The following ENPP2 variants were observed in gnomAD, a reference collection of about 807,000 sequenced individuals.
The protein encoded by ENPP2 is ectonucleotide pyrophosphatase/phosphodiesterase 2, also known as autotaxin.
Under a neutral mutation model 120.2 loss-of-function variants are expected in ENPP2, and 51 were observed. That is an observed-to-expected ratio of 0.42 (90% CI 0.34 to 0.54). The LOEUF (loss-of-function observed/expected upper bound fraction) is 0.54, where lower values mean the gene tolerates loss of function less well. ENPP2 is among the 20% of genes least tolerant of loss of function. ENPP2 has a pLI of 0.04. For synonymous variants in ENPP2, 365 were observed against 366.4 expected (o/e 1.00, Z 0.04); for missense variants, 920 against 1,066.5 (o/e 0.86, Z 1.91).
At chr8:119,568,669 C>G (rs954678834) in intron 21 of ENPP2, among the ~76,000 whole-genome samples, 9 of 152,060 alleles carry the variant, frequency 5.9e-5, no homozygotes, top group African/African-American at 2.2e-4. Flanking sequence ...GGCCTGATCA[C>G]AGCCCACTGT....
chr8:119,645,348 A>C (rs1230760748), intron 1 of ENPP2, among the ~76,000 whole-genome samples: 1 of 152,000 alleles, frequency 6.6e-6, no homozygotes, highest in African/African-American at 2.4e-5. Flanking sequence ...AACTCAACTC[A>C]CTTTTTGTTC....
In ENPP2 at chr8:119,638,467, G is replaced by C. The variant is rs138726849; in HGVS notation, c.94C>G (p.Arg32Gly). 6.2e-7 allele frequency: 1 copy of C among 1,609,664 alleles called. No individual in the cohort carries two copies. Among genetic ancestry groups the C allele is most frequent in the Non-Finnish European group, 8.5e-7 (1 of 1,175,986 alleles). Residue 32 changes from arginine to glycine, a missense_variant, in exon 2 of 25, where the codon CGA (arginine) becomes GGA (glycine). Transcript: ENST00000075322. ...VNICLGFTAH[R>G]IKRAEGWEEG... is the part of the protein sequence containing the mutation. ...TCCCATCCTTCTGCTCTCTTAATTC[G>C]ATGTGCAGTGAATCCTAAGCAGATA...
intron 1 of ENPP2, among the ~76,000 whole-genome samples, chr8:119,655,988 C>T (rs758432808): frequency 4.6e-5 from 7 of 152,160 alleles, no homozygotes; most frequent in Non-Finnish European, 7.4e-5. Context: ...GATTCTCTTA[C>T]GGACAGTTTC....
At chr8:119,640,120 C>A (rs1817231901), upstream of ENPP2, among the ~76,000 whole-genome samples, 1 of 152,148 alleles carries the variant, frequency 6.6e-6, no homozygotes, top group South Asian at 2.1e-4. Flanking sequence ...GGTTTCATTA[C>A]AGATTCTTAG....
rs1003426614 is a variant in ENPP2, at chr8:119,588,523, C to T, written c.1208-1448G>A. Among the ~76,000 whole-genome samples, 28 of 126,946 alleles carry T rather than the reference C, an allele frequency of 2.2e-4. No homozygotes were observed. The East Asian group carries it at 5.7e-3, about 26-fold the overall frequency. 83.3% of individuals were successfully genotyped at this position (126,946 alleles called of 152,430 possible). ...CAGCCTGGGCGACAGAACAAAACTCCGCCTCAAAAAAAAAAAAAAAAAAAA... is the reference window on the plus strand; with the variant it reads ...CAGCCTGGGCGACAGAACAAAACTCTGCCTCAAAAAAAAAAAAAAAAAAAA... On this transcript the variant is annotated intron_variant, in intron 13 of 24. Coordinates refer to ENST00000075322, the MANE Select transcript of ENPP2 (RefSeq NM_001040092.3).
At chr8:119,629,975 T>C (rs1563753620) in intron 2 of ENPP2, among the ~76,000 whole-genome samples, 1 of 152,348 alleles carries the variant, frequency 6.6e-6, no homozygotes, top group East Asian at 1.9e-4. Flanking sequence ...TAAGCTTAGC[T>C]ATGCTGATAG....
intron 2 of ENPP2, among the ~76,000 whole-genome samples, chr8:119,627,019 G>A (rs1312285232): frequency 6.6e-6 from 1 of 152,054 alleles, no homozygotes; most frequent in African/African-American, 2.4e-5. Flanking sequence ...AACAAGTGTT[G>A]GTGATTTGTT....
At chr8:119,620,290 C>T (rs1815795122) in intron 4 of ENPP2, among the ~76,000 whole-genome samples, 1 of 152,250 alleles carries the variant, frequency 6.6e-6, no homozygotes, top group East Asian at 1.9e-4. Flanking sequence ...GCCTTTGTGG[C>T]TTCCTGGTAC....
intron 8 of ENPP2, 106 bp downstream of exon 8, chr8:119,616,159 A>G: frequency 1.0e-6 from 1 of 1,004,618 alleles, no homozygotes; most frequent in Non-Finnish European, 1.5e-6. Flanking sequence ...ATTGCCAAGT[A>G]TGAGGAAATT....
At chr8:119,630,366 C>G (rs557731127) in intron 2 of ENPP2, among the ~76,000 whole-genome samples, 1 of 152,310 alleles carries the variant, frequency 6.6e-6, no homozygotes, top group South Asian at 2.1e-4. Flanking sequence ...CTTTGGCCTT[C>G]CAAAGTGCTG....
chr8:119,652,956 T>C (rs561047272), intron 1 of ENPP2, among the ~76,000 whole-genome samples: 1 of 152,188 alleles, frequency 6.6e-6, no homozygotes, highest in Non-Finnish European at 1.5e-5. Flanking sequence ...GCAATTCTTG[T>C]AAAAGAAACC....
intron 2 of ENPP2, among the ~76,000 whole-genome samples, chr8:119,634,758 G>T (rs1294449423): frequency 2.0e-5 from 3 of 151,928 alleles, no homozygotes; most frequent in Admixed American, 2.0e-4. Flanking sequence ...ATATAATTTT[G>T]GGGAAGATTT....
At chr8:119,644,273 GAC>G (rs1444287528) in intron 1 of ENPP2, among the ~76,000 whole-genome samples, 1 of 152,000 alleles carries the variant, frequency 6.6e-6, no homozygotes, top group Non-Finnish European at 1.5e-5. Flanking sequence ...AAAAGATCAT[GAC>G]AGCTTACACA....
At chr8:119,637,701 A>G (rs945637847) in intron 2 of ENPP2, among the ~76,000 whole-genome samples, 4 of 152,130 alleles carry the variant, frequency 2.6e-5, no homozygotes, top group African/African-American at 4.8e-5. Context: ...AAATTAACCA[A>G]CTCATTGCTT....
intron 19 of ENPP2, among the ~76,000 whole-genome samples, chr8:119,576,133 A>T (rs1482246861): frequency 1.3e-5 from 2 of 152,154 alleles, no homozygotes; most frequent in Non-Finnish European, 2.9e-5. Context: ...CTAGTGTTTA[A>T]GTCAATTTTC....
At chr8:119,589,009 T>C (rs1040351959) in intron 13 of ENPP2, among the ~76,000 whole-genome samples, 3 of 152,164 alleles carry the variant, frequency 2.0e-5, no homozygotes, top group African/African-American at 7.2e-5. Context: ...ATTTCTACTG[T>C]CTATAAAAGG....
intron 4 of ENPP2, 124 bp downstream of exon 4, chr8:119,621,270 G>A (rs1815874249): frequency 5.0e-6 from 4 of 794,362 alleles, no homozygotes; most frequent in Non-Finnish European, 4.1e-6. Flanking sequence ...AAATTAAAAA[G>A]GACAATTCAT....
At position 119,579,225 on chromosome 8, in the gene ENPP2, T is replaced by G. The variant is rs543178761; in HGVS notation, c.1780+891A>C. On this transcript the variant is annotated intron_variant, in intron 19 of 24. Coordinates refer to ENST00000075322, the MANE Select transcript of ENPP2 (RefSeq NM_001040092.3). ...CCTGCATGGTAGATTGTGTTATTGCTCCTCATTATTTACTGCCTCCACCCA... is the reference window on the plus strand; with the variant it reads ...CCTGCATGGTAGATTGTGTTATTGCGCCTCATTATTTACTGCCTCCACCCA... Among the ~76,000 whole-genome samples the G allele has an allele frequency of 1.7e-3, 254 of 152,330 alleles. 2 individuals carry two copies. Among genetic ancestry groups the G allele is most frequent in the African/African-American group, 5.1e-3 (214 of 41,570 alleles).
chr8:119,565,857 G>A (rs1814380892), intron 22 of ENPP2, among the ~76,000 whole-genome samples: 1 of 151,764 alleles, frequency 6.6e-6, no homozygotes, highest in Non-Finnish European at 1.5e-5. Context: ...AAGTCAGACT[G>A]TATCTTTCTC....
Sources: allele counts gnomAD v4.1 joint callset (sites outside exome capture counted in the v4.1 genomes callset), GRCh38; gene constraint gnomAD v4.1.1; transcripts MANE v1.5; gene names NCBI Gene and HGNC (gene_info 2026-07-23, HGNC 2026-07-21).